The following NRXN3 variants were observed in gnomAD, a reference collection of about 807,000 sequenced individuals.
NRXN3 encodes neurexin 3.
NRXN3 carries 32 observed loss-of-function variants against 137.6 expected under a neutral mutation model. That is an observed-to-expected ratio of 0.23 (90% CI 0.18 to 0.31). The LOEUF is 0.31. NRXN3 is among the 10% of genes least tolerant of loss of function. NRXN3 has a pLI of 1.00. For synonymous variants in NRXN3, 798 were observed against 784.5 expected, an observed-to-expected ratio of 1.02 and a Z score of -0.29; for missense variants, 1,574 against 2,062.5, an observed-to-expected ratio of 0.76 and a Z score of 4.59.
chr14:79,095,813 A>G (rs2050210357), intron 15 of NRXN3, among the ~76,000 whole-genome samples: 1 of 152,034 alleles, frequency 6.6e-6, no homozygotes, highest in South Asian at 2.1e-4. Flanking sequence ...CTTTCTCCCT[A>G]ATGTCCTAGG....
At chr14:79,700,146 G>C (rs975698719) in intron 19 of NRXN3, among the ~76,000 whole-genome samples, 8 of 151,908 alleles carry the variant, frequency 5.3e-5, no homozygotes, top group African/African-American at 1.9e-4. Flanking sequence ...TTAGGACTGG[G>C]GACCCAACAA....
At chr14:78,774,465 G>A (rs1361047384) in intron 8 of NRXN3, among the ~76,000 whole-genome samples, 1 of 152,200 alleles carries the variant, frequency 6.6e-6, no homozygotes, top group Non-Finnish European at 1.5e-5. Context: ...TATTCTAAGT[G>A]TATCTTAGAT....
chr14:78,336,051 A>T (rs1043271411), intron 4 of NRXN3, among the ~76,000 whole-genome samples: 1 of 152,176 alleles, frequency 6.6e-6, no homozygotes, highest in African/African-American at 2.4e-5. Flanking sequence ...ATCACTGGAG[A>T]AGCAAGTTAA....
intron 4 of NRXN3, among the ~76,000 whole-genome samples, chr14:78,613,492 C>T (rs928744803): frequency 2.6e-5 from 4 of 151,586 alleles, no homozygotes; most frequent in African/African-American, 7.3e-5. Context: ...TTTGGAACTT[C>T]CGAGGCAACT....
intron 1 of NRXN3, among the ~76,000 whole-genome samples, chr14:78,179,806 C>CT (rs1348491468): frequency 2.0e-5 from 1 of 50,434 alleles, no homozygotes; most frequent in East Asian, 5.4e-4. Context: ...TATATTTGTT[C>CT]TTTGTTTTTT....
intron 4 of NRXN3, among the ~76,000 whole-genome samples, chr14:78,382,597 A>C (rs1230589187): frequency 6.6e-6 from 1 of 152,206 alleles, no homozygotes; most frequent in African/African-American, 2.4e-5. Context: ...TAAATAAGAG[A>C]TTTAAGTGAG....
intron 19 of NRXN3, among the ~76,000 whole-genome samples, chr14:79,763,139 T>A (rs1238027514): frequency 6.6e-6 from 1 of 151,326 alleles, no homozygotes; most frequent in Non-Finnish European, 1.5e-5. Context: ...TCTGTTCCTG[T>A]GTTAGTTTGC....
Position 78,243,304 on chromosome 14 carries a change from G to A in NRXN3, c.211G>A (p.Gly71Ser), listed in dbSNP as rs1162166974. ...TGLLLYLDDG[G>S]VCDFLCLSLV... The stretch of plus-strand genomic sequence containing the variant: ...GCTGCTCCTCTACCTGGATGATGGC[G>A]GCGTCTGCGACTTCCTATGCCTCTC... The change falls in exon 2 of 21, where the codon GGC becomes AGC. Residue 71 changes from glycine to serine, a missense_variant. Physicochemically the swap from Gly to Ser is moderately conservative, Grantham distance 56. Coordinates refer to ENST00000335750, the MANE Select transcript of NRXN3 (RefSeq NM_001330195.2). This position sits in a 1 kb window ranked among gnomAD's most constrained non-coding sequence, Gnocchi z 4.2. The A allele has an allele frequency of 2.6e-6, 4 of 1,558,874 alleles. No individual in the cohort carries two copies. The highest frequency in any genetic ancestry group is 2.6e-6 in the Non-Finnish European group (3 of 1,160,014).
At chr14:79,197,977 T>A (rs1276172169) in intron 15 of NRXN3, among the ~76,000 whole-genome samples, 1 of 152,200 alleles carries the variant, frequency 6.6e-6, no homozygotes, top group Non-Finnish European at 1.5e-5. Context: ...CAGGAGTAGA[T>A]TCCATCTGAA....
At chr14:79,767,429 C>A (rs986596650) in intron 19 of NRXN3, among the ~76,000 whole-genome samples, 4 of 152,158 alleles carry the variant, frequency 2.6e-5, no homozygotes, top group African/African-American at 9.7e-5. Context: ...AGTTCCCTGA[C>A]CATGTCAGAT....
rs936321020 is a variant in NRXN3 at position 79,156,646 on chromosome 14, T to C, written c.3262+168505T>C. On this transcript the variant is annotated intron_variant, in intron 15 of 20. Transcript: ENST00000335750. ...CAGAATCCTATTTTATTAAGAAGAC[T>C]GTGAAGACAAATTTTAGACTGAGGT... is the stretch of plus-strand genomic sequence containing the variant. 2.0e-5 allele frequency among the ~76,000 whole-genome samples: 3 copies of C among 151,836 alleles called. 1 individual carries two copies. The highest frequency in any genetic ancestry group is 7.2e-5 in the African/African-American group (3 of 41,402).
chr14:78,255,869 G>C (rs193120580), intron 2 of NRXN3, among the ~76,000 whole-genome samples: 180 of 152,312 alleles, frequency 1.2e-3, no homozygotes, highest in Non-Finnish European at 2.0e-3. Flanking sequence ...ATGGATGCAG[G>C]TTCCCAGGAA....
chr14:79,755,532 ATTT>A (rs568489887), intron 19 of NRXN3, among the ~76,000 whole-genome samples: 4 of 140,512 alleles, frequency 2.8e-5, no homozygotes, highest in Admixed American at 7.2e-5. Flanking sequence ...AATACCGAAG[ATTT>A]TTTTTTTTTT....
chr14:79,087,363 C>T (rs2048328625), intron 15 of NRXN3, among the ~76,000 whole-genome samples: 1 of 152,164 alleles, frequency 6.6e-6, no homozygotes, highest in African/African-American at 2.4e-5. Flanking sequence ...CTTGAACATG[C>T]TGCCATCCCC....
intron 20 of NRXN3, among the ~76,000 whole-genome samples, chr14:79,856,970 G>C (rs17764962): frequency 6.6e-6 from 1 of 151,932 alleles, no homozygotes; most frequent in Non-Finnish European, 1.5e-5. Context: ...AAAATTCTGG[G>C]GATAGCATAG....
At chr14:79,390,316 C>CA (rs34101631) in intron 15 of NRXN3, among the ~76,000 whole-genome samples, 43,876 of 109,248 alleles carry the variant, frequency 0.4, 7,307 homozygotes, top group Admixed American at 0.5. Context: ...GACTCTGTCT[C>CA]AAAAAAAAAA....
At chr14:78,580,845 C>T (rs2096986919) in intron 4 of NRXN3, among the ~76,000 whole-genome samples, 1 of 152,172 alleles carries the variant, frequency 6.6e-6, no homozygotes, top group Non-Finnish European at 1.5e-5. Context: ...CTTTTGTCAT[C>T]CCTCCTGGAA....
intron 1 of NRXN3, among the ~76,000 whole-genome samples, chr14:78,203,734 G>C (rs975057063): frequency 2.6e-5 from 4 of 151,972 alleles, no homozygotes; most frequent in Non-Finnish European, 5.9e-5. Flanking sequence ...AAAGCACAGA[G>C]ACAGAAGCAA....
intron 4 of NRXN3, among the ~76,000 whole-genome samples, chr14:78,453,766 C>T (rs1358263095): frequency 2.0e-5 from 3 of 152,126 alleles, no homozygotes; most frequent in Non-Finnish European, 2.9e-5. Context: ...GACACAGAAA[C>T]AGACACATAT....
Sources: gnomAD v4.1 joint callset for allele counts (sites outside exome capture counted in the v4.1 genomes callset) on GRCh38, gnomAD v4.1.1 for gene constraint, Gnocchi (gnomAD v3.1) non-coding constraint, MANE v1.5 for transcripts, NCBI Gene and HGNC (gene_info 2026-07-23, HGNC 2026-07-21) for gene names.